The following ARHGAP15 variants were observed in gnomAD, a reference collection of about 807,000 sequenced individuals.
The protein encoded by ARHGAP15 is rho GTPase-activating protein 15.
A neutral mutation model predicts 63.7 loss-of-function variants in ARHGAP15; 51 were observed. The ratio of observed to expected loss-of-function variants is 0.80; its 90% confidence interval spans 0.64 to 1.01. The LOEUF (loss-of-function observed/expected upper bound fraction) is 1.01. Ranked by LOEUF, ARHGAP15 falls within the 50% of genes least tolerant of loss-of-function variation. The pLI is 0.00. For missense variants in ARHGAP15, 560 were observed against 564.6 expected, an observed-to-expected ratio of 0.99 and a Z score of 0.08; for synonymous variants, 191 against 193.8, an observed-to-expected ratio of 0.99 and a Z score of 0.12.
intron 12 of ARHGAP15, among the ~76,000 whole-genome samples, chr2:143,693,227 C>G (rs1005338148): frequency 1.3e-5 from 2 of 152,160 alleles, no homozygotes; most frequent in Non-Finnish European, 2.9e-5. Context: ...TTTAAACACA[C>G]AAAGCAATGG....
chr2:143,175,741 T>C (rs1158712990), intron 2 of ARHGAP15, among the ~76,000 whole-genome samples: 4 of 152,112 alleles, frequency 2.6e-5, no homozygotes, highest in Admixed American at 2.0e-4. Context: ...TGCAATATTT[T>C]GGGGGAGGCC....
chr2:143,170,266 C>A (rs998020843), intron 2 of ARHGAP15, among the ~76,000 whole-genome samples: 1 of 152,130 alleles, frequency 6.6e-6, no homozygotes, highest in Non-Finnish European at 1.5e-5. Flanking sequence ...TCCTCAGCTA[C>A]AATTCACAGT....
chr2:143,529,863 G>C (rs930469400), intron 10 of ARHGAP15, among the ~76,000 whole-genome samples: 1 of 152,040 alleles, frequency 6.6e-6, no homozygotes, highest in Non-Finnish European at 1.5e-5. Context: ...TCCTAATAGA[G>C]CCCTTATTGC....
intron 2 of ARHGAP15, among the ~76,000 whole-genome samples, chr2:143,184,524 T>C (rs571940868): frequency 3.2e-4 from 48 of 152,202 alleles, no homozygotes; most frequent in Non-Finnish European, 4.7e-4. Flanking sequence ...ACTGGATAAC[T>C]AGTTATCTAA....
intron 10 of ARHGAP15, among the ~76,000 whole-genome samples, chr2:143,547,247 A>T (rs1281647133): frequency 3.3e-5 from 5 of 152,186 alleles, no homozygotes; most frequent in Admixed American, 6.5e-5. Flanking sequence ...ATAAGACACA[A>T]ATAGGACACT....
intron 12 of ARHGAP15, among the ~76,000 whole-genome samples, chr2:143,644,540 G>T (rs1680773900): frequency 6.6e-6 from 1 of 152,040 alleles, no homozygotes. Context: ...CACTCAGCAT[G>T]CCAAAGGACC....
chr2:143,250,665 T>A, intron 6 of ARHGAP15, 65 bp downstream of exon 6: 2 of 1,353,866 alleles, frequency 1.5e-6, no homozygotes, highest in Non-Finnish European at 2.1e-6. Context: ...CTTGGGTAAC[T>A]AAAATAAGAC....
At chr2:143,758,125 C>CT (rs1057232327) in intron 13 of ARHGAP15, among the ~76,000 whole-genome samples, 1 of 151,848 alleles carries the variant, frequency 6.6e-6, no homozygotes, top group Admixed American at 6.6e-5. Flanking sequence ...AATATAACAA[C>CT]TTTTTTAAAA....
chr2:143,249,931 T>C (rs1680064023), intron 5 of ARHGAP15, among the ~76,000 whole-genome samples: 1 of 152,088 alleles, frequency 6.6e-6, no homozygotes, highest in Admixed American at 6.6e-5. Flanking sequence ...AGTTGACACT[T>C]AATAAATATG....
intron 6 of ARHGAP15, among the ~76,000 whole-genome samples, chr2:143,400,201 A>G (rs1432590967): frequency 5.3e-5 from 8 of 152,062 alleles, no homozygotes; most frequent in Non-Finnish European, 8.8e-5. Context: ...TAGAAATTAA[A>G]TGTTACAATA....
At chr2:143,338,752 A>C (rs751051507) in intron 6 of ARHGAP15, among the ~76,000 whole-genome samples, 1 of 152,194 alleles carries the variant, frequency 6.6e-6, no homozygotes, top group Non-Finnish European at 1.5e-5. Context: ...GGGAAAAGAA[A>C]GATCACAAAA....
At chr2:143,511,066 T>C (rs1693563255) in intron 9 of ARHGAP15, among the ~76,000 whole-genome samples, 1 of 152,222 alleles carries the variant, frequency 6.6e-6, no homozygotes, top group Non-Finnish European at 1.5e-5. Context: ...TCAAAAAACT[T>C]ATAGCAGTGA....
At chr2:143,290,393 A>G (rs1574220599) in intron 6 of ARHGAP15, among the ~76,000 whole-genome samples, 1 of 152,160 alleles carries the variant, frequency 6.6e-6, no homozygotes, top group East Asian at 1.9e-4. Context: ...AATGATGGCA[A>G]CAAGCCCAAA....
chr2:143,670,578 T>C (rs1343311918), intron 12 of ARHGAP15, among the ~76,000 whole-genome samples: 2 of 152,158 alleles, frequency 1.3e-5, no homozygotes, highest in African/African-American at 2.4e-5. Flanking sequence ...ACCAGAAGCC[T>C]CTGTTGGCAT....
At chr2:143,716,638 A>C (rs1180894258) in intron 13 of ARHGAP15, among the ~76,000 whole-genome samples, 1 of 152,188 alleles carries the variant, frequency 6.6e-6, no homozygotes, top group Non-Finnish European at 1.5e-5. Flanking sequence ...TGTTTTATGG[A>C]GCAAACTTCA....
intron 6 of ARHGAP15, among the ~76,000 whole-genome samples, chr2:143,375,699 A>T (rs774214311): frequency 6.6e-6 from 1 of 152,192 alleles, no homozygotes; most frequent in Non-Finnish European, 1.5e-5. Context: ...ATATTGCATA[A>T]CTTGAAGATA....
chr2:143,178,115 C>T (rs931269116), intron 2 of ARHGAP15, among the ~76,000 whole-genome samples: 12 of 152,094 alleles, frequency 7.9e-5, no homozygotes, highest in Non-Finnish European at 1.5e-4. Flanking sequence ...ACAAAGCAAA[C>T]GAAGCCTCTG....
intron 6 of ARHGAP15, among the ~76,000 whole-genome samples, chr2:143,391,975 T>A (rs756267443): frequency 2.0e-5 from 3 of 152,020 alleles, no homozygotes; most frequent in Non-Finnish European, 2.9e-5. Flanking sequence ...AACTAACACA[T>A]AGGCTATCCA....
At chr2:143,301,669 A>C (rs1445311874) in intron 6 of ARHGAP15, among the ~76,000 whole-genome samples, 1 of 151,856 alleles carries the variant, frequency 6.6e-6, no homozygotes, top group Non-Finnish European at 1.5e-5. Context: ...TATTTCAGTG[A>C]ATGTGTGGAT....
Sources: gnomAD v4.1 joint callset for allele counts (sites outside exome capture counted in the v4.1 genomes callset) on GRCh38, gnomAD v4.1.1 for gene constraint, MANE v1.5 for transcripts, NCBI Gene and HGNC (gene_info 2026-07-23, HGNC 2026-07-21) for gene names.